DYNC1I1: variants seen among roughly 807,000 people sequenced by gnomAD.
DYNC1I1 encodes dynein cytoplasmic 1 intermediate chain 1.
A neutral mutation model predicts 86.6 loss-of-function variants in DYNC1I1; 43 were observed. The ratio of observed to expected loss-of-function variants is 0.50; its 90% CI spans 0.39 to 0.64. The LOEUF is 0.64. Among genes scored for constraint, DYNC1I1 ranks in the 30% least tolerant of loss-of-function variants. The pLI, the probability that DYNC1I1 is intolerant of heterozygous loss-of-function variation, is 0.00. For missense variants in DYNC1I1, 604 were observed against 788.8 expected (o/e 0.77, Z 2.81); for synonymous variants, 262 against 283.7 (o/e 0.92, Z 0.77).
chr7:95,871,032 A>G (rs950841484), intron 6 of DYNC1I1, among the ~76,000 whole-genome samples: 1 of 152,198 alleles, frequency 6.6e-6, no homozygotes, highest in Admixed American at 6.5e-5. Flanking sequence ...TTTCCCCCTT[A>G]GTGATTTACC....
Position 95,987,164 on chromosome 7 carries a change from T to G in DYNC1I1, c.843+9T>G, listed in dbSNP as rs1327297690. ...TGGACTGGTCCCTCCAGGTAAGAAT[T>G]ATTGCTGGGCTGGGACAAACTGGGC... On this transcript the variant is annotated intron_variant, in intron 9 of 16. Coordinates refer to ENST00000447467, the MANE Select transcript of DYNC1I1 (RefSeq NM_001135556.2). 1 of 1,610,790 alleles carries G rather than the reference T, an allele frequency of 6.2e-7. No individual in the cohort carries two copies. The highest frequency in any genetic ancestry group is 8.5e-7 in the Non-Finnish European group (1 of 1,177,458).
At chr7:95,800,567 G>A (rs1794552904) in intron 1 of DYNC1I1, among the ~76,000 whole-genome samples, 1 of 152,188 alleles carries the variant, frequency 6.6e-6, no homozygotes, top group African/African-American at 2.4e-5. Context: ...TGATTGCAGT[G>A]GATGGGGCTG....
chr7:95,797,751 G>A (rs1384831007), intron 1 of DYNC1I1, among the ~76,000 whole-genome samples: 1 of 152,134 alleles, frequency 6.6e-6, no homozygotes, highest in African/African-American at 2.4e-5. Context: ...ACAATTACCT[G>A]AAGAGGCTGT....
intron 15 of DYNC1I1, 91 bp downstream of exon 15, chr7:96,076,288 T>C: frequency 6.6e-7 from 1 of 1,519,652 alleles, no homozygotes; most frequent in Middle Eastern, 1.8e-4. Flanking sequence ...CAAAACGGCC[T>C]TTTTTGGACA....
chr7:96,009,206 C>T (rs1322258907), intron 10 of DYNC1I1, among the ~76,000 whole-genome samples: 3 of 152,188 alleles, frequency 2.0e-5, no homozygotes. Context: ...CCACTTTTTT[C>T]CCGGGAGTTC....
intron 11 of DYNC1I1, among the ~76,000 whole-genome samples, chr7:96,030,675 C>T (rs911808776): frequency 6.6e-6 from 1 of 152,084 alleles, no homozygotes; most frequent in Non-Finnish European, 1.5e-5. Flanking sequence ...ATTTCAGGTT[C>T]ATAACAGTAT....
intron 4 of DYNC1I1, among the ~76,000 whole-genome samples, chr7:95,820,133 A>G (rs1795042382): frequency 6.6e-6 from 1 of 152,206 alleles, no homozygotes; most frequent in Admixed American, 6.5e-5. Flanking sequence ...TTCTCCCACC[A>G]TAAATTAAGA....
chr7:95,887,959 CAGT>C (rs1452828264), intron 6 of DYNC1I1, among the ~76,000 whole-genome samples: 3 of 152,156 alleles, frequency 2.0e-5, no homozygotes, highest in African/African-American at 7.2e-5. Context: ...GCTCAGTGCT[CAGT>C]GGTGACAGTG....
At position 95,997,582 on chromosome 7, in the gene DYNC1I1, CTTGTGT is replaced by C. The variant is rs1328186866; in HGVS notation, c.969+1510_969+1515del. 9.9e-4 allele frequency among the ~76,000 whole-genome samples: 116 copies of C among 117,188 alleles called. 1 individual carries two copies. In the East Asian group the frequency reaches 0.016, roughly 17 times the overall value. The allele number at this position is 117,188 out of a possible 152,430, so 76.9% of individuals were successfully genotyped here. ...ACTAGTATTAATTGAAAAGGGCATT[CTTGTGT>C]GTGTGTGTGTGTGTGTGTGTGTGTG... On this transcript the variant is annotated intron_variant, in intron 10 of 16. Coordinates refer to ENST00000447467, the MANE Select transcript of DYNC1I1 (RefSeq NM_001135556.2).
At chr7:95,799,240 C>T (rs899248512) in intron 1 of DYNC1I1, among the ~76,000 whole-genome samples, 57 of 152,134 alleles carry the variant, frequency 3.7e-4, no homozygotes, top group Non-Finnish European at 1.5e-4. Context: ...TTAGCCGGGC[C>T]CAGTAGCACC....
chr7:95,787,103 G>T (rs550402516), intron 1 of DYNC1I1, among the ~76,000 whole-genome samples: 1 of 152,280 alleles, frequency 6.6e-6, no homozygotes, highest in East Asian at 1.9e-4. Flanking sequence ...TTACTGATGG[G>T]TAAACATGCA....
intron 10 of DYNC1I1, among the ~76,000 whole-genome samples, chr7:96,007,568 C>A (rs1171903403): frequency 1.3e-5 from 2 of 152,088 alleles, no homozygotes; most frequent in Non-Finnish European, 1.5e-5. Context: ...TCGGAGATAG[C>A]AAAGAGCTGC....
chr7:96,033,460 C>T (rs1006790190), intron 12 of DYNC1I1, among the ~76,000 whole-genome samples: 1 of 152,144 alleles, frequency 6.6e-6, no homozygotes, highest in East Asian at 1.9e-4. Flanking sequence ...AAGACATGCG[C>T]ATACACACAT....
chr7:95,780,519 C>A (rs971366204), intron 1 of DYNC1I1, among the ~76,000 whole-genome samples: 20 of 150,168 alleles, frequency 1.3e-4, no homozygotes, highest in Non-Finnish European at 2.4e-4. Flanking sequence ...ACCTCGTGAT[C>A]CGCCTGCCTC....
intron 6 of DYNC1I1, among the ~76,000 whole-genome samples, chr7:95,918,545 G>A (rs763752607): frequency 6.6e-6 from 1 of 152,228 alleles, no homozygotes; most frequent in Non-Finnish European, 1.5e-5. Flanking sequence ...GTGTCTGTGT[G>A]TGCACACATG....
chr7:95,885,929 G>A lies in DYNC1I1; in HGVS notation c.490+15931G>A, dbSNP rs138139220. Among the ~76,000 whole-genome samples the A allele has an allele frequency of 2.0e-5, 3 of 152,320 alleles. No individual in the cohort carries two copies. The East Asian group carries it at 5.8e-4, about 29-fold the overall frequency. On this transcript the variant is annotated intron_variant, in intron 6 of 16. Transcript: ENST00000447467. The stretch of plus-strand genomic sequence containing the variant: ...AATTTTTTGGCCTCTAACTTTGGGA[G>A]ATGAAAATAATCTCTCTGAAGAAAA...
intron 4 of DYNC1I1, chr7:95,818,576 A>T: frequency 4.7e-6 from 3 of 640,600 alleles, no homozygotes; most frequent in Admixed American, 2.2e-5. Context: ...TTCATCCCAA[A>T]GTGGTGGGAT....
intron 14 of DYNC1I1, among the ~76,000 whole-genome samples, chr7:96,048,998 G>A (rs893187019): frequency 6.6e-6 from 1 of 152,028 alleles, no homozygotes; most frequent in Non-Finnish European, 1.5e-5. Flanking sequence ...AGTGGCTCAC[G>A]CCTGTAGTCC....
intron 15 of DYNC1I1, 143 bp downstream of exon 15, chr7:96,076,340 C>T: frequency 7.8e-7 from 1 of 1,280,888 alleles, no homozygotes; most frequent in Non-Finnish European, 1.1e-6. Context: ...CCATTCTTGA[C>T]TACCCTGAAG....
Sources: gnomAD v4.1 joint callset for allele counts (sites outside exome capture counted in the v4.1 genomes callset) on GRCh38, gnomAD v4.1.1 for gene constraint, MANE v1.5 for transcripts, NCBI Gene and HGNC (gene_info 2026-07-23, HGNC 2026-07-21) for gene names.